Variants in MBNL1 observed in about 807,000 individuals in gnomAD.
MBNL1 encodes the protein muscleblind-like protein 1.
MBNL1 carries 8 observed loss-of-function variants against 42.2 expected under a neutral mutation model. The ratio of observed to expected loss-of-function variants is 0.19; its 90% CI spans 0.11 to 0.34. MBNL1 has a LOEUF of 0.34. Among genes scored for constraint, MBNL1 ranks in the 10% least tolerant of loss-of-function variants. The pLI is 1.00. For missense variants in MBNL1, 309 were observed against 495.3 expected (o/e 0.62, Z 3.57); for synonymous variants, 169 against 173.9 (o/e 0.97, Z 0.22).
intron 2 of MBNL1, among the ~76,000 whole-genome samples, chr3:152,250,788 C>T (rs1387317023): frequency 6.6e-6 from 1 of 151,742 alleles, no homozygotes; most frequent in Non-Finnish European, 1.5e-5. Context: ...TTTTGAGATA[C>T]GTCCCATCAA....
chr3:152,340,402 G>A, intron 2 of MBNL1: 1 of 1,130,134 alleles, frequency 8.8e-7, no homozygotes, highest in Non-Finnish European at 1.3e-6. Flanking sequence ...AGATTGTAAT[G>A]ACAATGACTG....
chr3:152,379,243 C>G (rs2097071064), intron 2 of MBNL1, among the ~76,000 whole-genome samples: 1 of 152,074 alleles, frequency 6.6e-6, no homozygotes, highest in African/African-American at 2.4e-5. Flanking sequence ...AGCAGGAACT[C>G]CTATATATTT....
chr3:152,324,521 A>G (rs1262718700), intron 2 of MBNL1, among the ~76,000 whole-genome samples: 1 of 152,180 alleles, frequency 6.6e-6, no homozygotes, highest in African/African-American at 2.4e-5. Context: ...AAAATTGGCT[A>G]TGGTGAGAGC....
At chr3:152,340,670 T>C (rs982583553) in intron 2 of MBNL1, 5 of 1,614,046 alleles carry the variant, frequency 3.1e-6, no homozygotes, top group Non-Finnish European at 2.5e-6. Flanking sequence ...AGAATCTTAT[T>C]CGCATAATAC....
chr3:152,361,327 A>G (rs2095926186), intron 2 of MBNL1, among the ~76,000 whole-genome samples: 1 of 151,852 alleles, frequency 6.6e-6, no homozygotes, highest in African/African-American at 2.4e-5. Context: ...GGTTCTATGG[A>G]AACAGAAGAC....
chr3:152,382,816 T>C (rs2097238305), intron 2 of MBNL1, among the ~76,000 whole-genome samples: 2 of 152,170 alleles, frequency 1.3e-5, no homozygotes, highest in African/African-American at 2.4e-5. Flanking sequence ...TAGCATTTTA[T>C]TCAACTTCGT....
intron 2 of MBNL1, among the ~76,000 whole-genome samples, chr3:152,356,849 TGTGTGTA>T (rs958882955): frequency 1.3e-4 from 11 of 82,202 alleles, no homozygotes; most frequent in African/African-American, 5.8e-4. Flanking sequence ...TCTGGGCATA[TGTGTGTA>T]GTGTGTGTGT....
At chr3:152,268,773 G>T (rs1045335650), upstream of MBNL1, 5 of 449,794 alleles carry the variant, frequency 1.1e-5, no homozygotes, top group African/African-American at 1.0e-4. Context: ...GGCGCCGGCG[G>T]AAAGTTGAAG....
At chr3:152,373,326 T>G (rs2096754529) in intron 2 of MBNL1, among the ~76,000 whole-genome samples, 1 of 128,822 alleles carries the variant, frequency 7.8e-6, no homozygotes, top group African/African-American at 3.0e-5. Flanking sequence ...GCCTTCCAGG[T>G]GTCACTGGGG....
intron 2 of MBNL1, among the ~76,000 whole-genome samples, chr3:152,262,119 C>A (rs2036395450): frequency 6.6e-6 from 1 of 152,104 alleles, no homozygotes; most frequent in East Asian, 1.9e-4. Context: ...CAAGCACAGC[C>A]CTTGGCACAT....
At chr3:152,345,716 C>T (rs2094129553) in intron 2 of MBNL1, among the ~76,000 whole-genome samples, 1 of 152,084 alleles carries the variant, frequency 6.6e-6, no homozygotes, top group African/African-American at 2.4e-5. Flanking sequence ...AGGTACAGTA[C>T]TGGTTTAGCT....
intron 3 of MBNL1, among the ~76,000 whole-genome samples, chr3:152,424,618 G>A (rs937089646): frequency 9.3e-5 from 14 of 150,202 alleles, no homozygotes; most frequent in Admixed American, 8.0e-4. Flanking sequence ...AGCCTGTATA[G>A]CCAAGACAAT....
chr3:152,410,922 G>A (rs1292981280), intron 2 of MBNL1, among the ~76,000 whole-genome samples: 1 of 152,204 alleles, frequency 6.6e-6, no homozygotes, highest in African/African-American at 2.4e-5. Flanking sequence ...CAGATACGCT[G>A]CTAAATTGAG....
chr3:152,456,155 A>G lies in MBNL1; in HGVS notation c.998-112A>G. The G allele has an allele frequency of 4.1e-6, 3 of 732,666 alleles. No homozygotes were observed. The Admixed American group carries it at 5.4e-5, about 13-fold the overall frequency. The allele number at this position is 732,666 out of a possible 1,614,324, so 45.4% of individuals were successfully genotyped here. A position where few individuals can be genotyped will look rare whatever the true frequency, so the allele number is the denominator to read the frequency against. ...CTCGCTGGTGATGATGTCCTGTCAC[A>G]TGGCTTATTGCTGTGATAAATACCA... On this transcript the variant is annotated intron_variant, in intron 7 of 9. Coordinates refer to ENST00000324210, the MANE Select transcript of MBNL1 (RefSeq NM_021038.5).
At chr3:152,314,214 TTG>T (rs1162739184) in intron 2 of MBNL1, among the ~76,000 whole-genome samples, 6 of 152,172 alleles carry the variant, frequency 3.9e-5, no homozygotes, top group African/African-American at 7.2e-5. Flanking sequence ...ATAAACTTAA[TTG>T]GTCAAATATC....
At chr3:152,426,288 C>CACATGTATGCCCATGTA in intron 3 of MBNL1, among the ~76,000 whole-genome samples, 1 of 152,210 alleles carries the variant, frequency 6.6e-6, no homozygotes, top group African/African-American at 2.4e-5. Context: ...ATGTCCATGT[C>CACATGTATGCCCATGTA]ACATGTATGC....
chr3:152,293,477 T>TTA (rs1344594470), intron 1 of MBNL1, among the ~76,000 whole-genome samples: 1 of 152,216 alleles, frequency 6.6e-6, no homozygotes. Flanking sequence ...CAAACTTAGT[T>TTA]TACTAAAGAA....
At chr3:152,309,494 A>G (rs2065147312) in intron 2 of MBNL1, among the ~76,000 whole-genome samples, 1 of 152,246 alleles carries the variant, frequency 6.6e-6, no homozygotes, top group Non-Finnish European at 1.5e-5. Context: ...CCTAGTGCGT[A>G]GGCTTCTGGA....
chr3:152,403,156 T>C (rs1262716462), intron 2 of MBNL1, among the ~76,000 whole-genome samples: 2 of 151,588 alleles, frequency 1.3e-5, no homozygotes, highest in East Asian at 3.8e-4. Context: ...AAAAAAATCG[T>C]GTGACAACCT....
Sources: allele counts gnomAD v4.1 joint callset (sites outside exome capture counted in the v4.1 genomes callset), GRCh38; gene constraint gnomAD v4.1.1; transcripts MANE v1.5; gene names NCBI Gene and HGNC (gene_info 2026-07-23, HGNC 2026-07-21).